Variants in SET observed in about 807,000 individuals in gnomAD.
SET encodes SET nuclear proto-oncogene, also known as protein SET.
SET carries 4 observed loss-of-function variants against 39.0 expected under a neutral mutation model. The observed-to-expected ratio is 0.10, with a 90% CI of 0.05 to 0.23. SET has a LOEUF of 0.23. Ranked by LOEUF, SET falls within the 10% of genes least tolerant of loss-of-function variation. The pLI, the probability that SET is intolerant of heterozygous loss-of-function variation, is 1.00. For missense variants in SET, 137 were observed against 329.7 expected (o/e 0.42, Z 4.53); for synonymous variants, 114 against 115.9 (o/e 0.98, Z 0.11).
rs1270399699 is a variant in SET at position 128,695,988 on chromosome 9, C to G, written c.*1324C>G. The G allele has an allele frequency of 1.3e-5, 3 of 226,480 alleles. No individual in the cohort carries two copies. The highest frequency in any genetic ancestry group is 6.2e-5 in the East Asian group (1 of 16,138). 14.0% of individuals were successfully genotyped at this position (226,480 alleles called of 1,614,324 possible). ...TAAAATGTGGCCAAGAAGATAGGCT[C>G]TCAGTAAGAAGTCTGATGGTGAGCA... On this transcript the variant is annotated 3_prime_UTR_variant, in exon 8 of 8. Coordinates refer to ENST00000322030, the MANE Select transcript of SET (RefSeq NM_003011.4).
chr9:128,691,614 A>C (rs1395724142), intron 2 of SET, among the ~76,000 whole-genome samples: 1 of 152,226 alleles, frequency 6.6e-6, no homozygotes, highest in Non-Finnish European at 1.5e-5. Flanking sequence ...GGGCGAAGTA[A>C]ATACACACGT....
chr9:128,694,734 C>CTTTTTTTTTTTTTTTT lies in SET; in HGVS notation c.*79_*94dup, dbSNP rs35778650. Reference sequence around the variant, plus strand: ...CCAGTCCCTGGGAGCAAGTTGCAGTCTTTTTTTTTTTTTTTTTTTTTTTTC... The same window carrying CTTTTTTTTTTTTTTTT: ...CCAGTCCCTGGGAGCAAGTTGCAGTCTTTTTTTTTTTTTTTTTTTTTTTTTTTTTTTTTTTTTTTTC... On this transcript the variant is annotated 3_prime_UTR_variant, in exon 8 of 8. Coordinates refer to ENST00000322030, the MANE Select transcript of SET (RefSeq NM_003011.4). 1 of 274,178 alleles carries CTTTTTTTTTTTTTTTT rather than the reference C, an allele frequency of 3.6e-6. No homozygotes were observed. The highest frequency in any genetic ancestry group is 9.1e-5 in the Admixed American group (1 of 11,026). 17.0% of individuals were successfully genotyped at this position (274,178 alleles called of 1,614,324 possible). A position where few individuals can be genotyped will look rare whatever the true frequency, so the allele number is the denominator to read the frequency against.
chr9:128,685,836 A>C (rs1237844029), upstream of SET, among the ~76,000 whole-genome samples: 7 of 152,302 alleles, frequency 4.6e-5, 1 homozygote, highest in East Asian at 7.7e-4. Context: ...GTTCAAGACC[A>C]GCCTGGCCAA....
At position 128,689,241 on chromosome 9, in the gene SET, TGGAGGAGGAGGC is replaced by T; in HGVS notation, c.-339_-328del. The T allele has an allele frequency of 2.0e-6, 2 of 997,732 alleles. No individual in the cohort carries two copies. The highest frequency in any genetic ancestry group is 2.4e-6 in the Non-Finnish European group (2 of 838,208). 61.8% of individuals were successfully genotyped at this position (997,732 alleles called of 1,614,324 possible). ...GCCCGCCCCTCGCCGTAGGAGGAGG[TGGAGGAGGAGGC>T]GGCTCGGGAGAGCGAGCAGCGAGCT... On this transcript the variant is annotated 5_prime_UTR_variant, in exon 1 of 8. Transcript: ENST00000322030.
At chr9:128,685,285 C>T (rs993331344), upstream of SET, 7 of 1,276,452 alleles carry the variant, frequency 5.5e-6, no homozygotes, top group Non-Finnish European at 6.7e-6. Context: ...GATCTCCAGG[C>T]TTGCTGTGAG....
chr9:128,689,594 G>A lies in SET; in HGVS notation c.12G>A (p.Pro4=), dbSNP rs918018791. 1 of 1,366,982 alleles carries A rather than the reference G, an allele frequency of 7.3e-7. No homozygotes were observed. The highest frequency in any genetic ancestry group is 3.2e-5 in the East Asian group (1 of 30,966). 84.7% of individuals were successfully genotyped at this position (1,366,982 alleles called of 1,614,324 possible). A position where few individuals can be genotyped will look rare whatever the true frequency, so the allele number is the denominator to read the frequency against. The change falls in exon 1 of 8, where the codon CCG becomes CCA. Residue 4 remains proline, a synonymous_variant. Coordinates refer to ENST00000322030, the MANE Select transcript of SET (RefSeq NM_003011.4). MSA[P]AAKVSKKELN... ...CGCGGAGCAGCACCATGTCGGCGCC[G>A]GCGGCCAAAGTCAGTAAAAAGGAGC... is the stretch of plus-strand genomic sequence containing the variant.
chr9:128,685,499 T>C (rs976941773), upstream of SET, among the ~76,000 whole-genome samples: 1 of 152,356 alleles, frequency 6.6e-6, no homozygotes, highest in African/African-American at 2.4e-5. Flanking sequence ...TAGTAGGCAC[T>C]GATGGCATGC....
rs1414190867 is a variant in SET, at chr9:128,693,669, A to G, written c.524A>G (p.Asn175Ser). ...DLTKRSSQTQ[N>S]KASRKRQHEE... ...ACGAAACGTTCGAGTCAAACGCAGA[A>G]TAAAGCCAGCAGGAAGAGGCAGCAT... The change falls in exon 6 of 8, where the codon AAT (asparagine) becomes AGT (serine). Residue 175 changes from asparagine (N) to serine (S), a missense_variant. Around this residue, in one of 3 missense-constraint regions of SET, gnomAD observed 59 missense variants for 237.2 expected, o/e 0.25. Coordinates refer to ENST00000322030, the MANE Select transcript of SET (RefSeq NM_003011.4). The G allele has an allele frequency of 3.7e-6, 6 of 1,613,298 alleles. No homozygotes were observed. The African/African-American group carries it at 8.0e-5, about 22-fold the overall frequency.
intron 3 of SET, chr9:128,692,429 A>G (rs1861581274): frequency 3.1e-6 from 1 of 319,866 alleles, no homozygotes; most frequent in Non-Finnish European, 5.7e-6. Flanking sequence ...AAAACCTCAA[A>G]GACGGGAAAA....
rs1861400656 is a variant in SET, at chr9:128,689,232, A to G, written c.-351A>G. 2.0e-6 allele frequency: 2 copies of G among 996,058 alleles called. No individual in the cohort carries two copies. Among genetic ancestry groups the G allele is most frequent in the Non-Finnish European group, 2.4e-6 (2 of 836,584 alleles). The allele number at this position is 996,058 out of a possible 1,614,324, so 61.7% of individuals were successfully genotyped here. ...GCGCCCTGCGCCCGCCCCTCGCCGT[A>G]GGAGGAGGTGGAGGAGGAGGCGGCT... On this transcript the variant is annotated 5_prime_UTR_variant, in exon 1 of 8. Transcript: ENST00000322030.
intron 1 of SET, among the ~76,000 whole-genome samples, chr9:128,690,889 T>C (rs930128502): frequency 1.3e-5 from 2 of 152,238 alleles, no homozygotes; most frequent in Admixed American, 1.3e-4. Flanking sequence ...GTGTCTTTCA[T>C]AGTAGAAACC....
rs1360367293 is a variant in SET at position 128,693,961 on chromosome 9, A to G, written c.729A>G (p.Glu243=). The G allele has an allele frequency of 3.2e-6, 5 of 1,548,410 alleles. No individual in the cohort carries two copies. The highest frequency in any genetic ancestry group is 4.5e-6 in the Non-Finnish European group (5 of 1,121,154). Reference sequence around the variant, plus strand: ...ATGATGATGATGATGAAGAGGAGGAAGGATTAGAAGATATTGACGAAGAAG... The same window carrying G: ...ATGATGATGATGATGAAGAGGAGGAGGGATTAGAAGATATTGACGAAGAAG... ...EEDDDDDEEE[E]GLEDIDEEGD... is the part of the protein sequence containing the mutation. The change falls in exon 7 of 8, where the codon GAA becomes GAG. Residue 243 remains glutamate, a synonymous_variant. Transcript: ENST00000322030.
rs372294597 is a variant in SET, at chr9:128,694,012, T to G, written c.780T>G (p.Asp260Glu). 3.2e-6 allele frequency: 5 copies of G among 1,538,634 alleles called. No individual in the cohort carries two copies. In the South Asian group the frequency reaches 5.8e-5, roughly 18 times the overall value. ...GGGATGAGGATGAAGGTGAAGAAGA[T>G]GAAGATGATGATGAAGGGGAGGAAG... Reference protein sequence around the residue: ...EEGDEDEGEEDEDDDEGEEGE... With the variant: ...EEGDEDEGEEEEDDDEGEEGE... Residue 260 changes from aspartate to glutamate, a missense_variant, in exon 7 of 8, where the codon GAT (aspartate) becomes GAG (glutamate). By Grantham distance (45) the Asp-to-Glu change is conservative. Around this residue, in one of 3 missense-constraint regions of SET, gnomAD observed 44 missense variants for 63.0 expected, o/e 0.70. Transcript: ENST00000322030.
chr9:128,683,813 G>A, exon 1 of SET: 1 of 1,211,712 alleles, frequency 8.3e-7, no homozygotes, highest in Non-Finnish European at 1.2e-6. Context: ...TAAGCCGCTG[G>A]CACCTGGGGC....
chr9:128,694,395 A>G (rs1463665666), intron 7 of SET, among the ~76,000 whole-genome samples: 1 of 152,202 alleles, frequency 6.6e-6, no homozygotes, highest in African/African-American at 2.4e-5. Context: ...CAATTTCTGA[A>G]TAGTCAAATT....
At chr9:128,685,760 G>A (rs1411351008), upstream of SET, among the ~76,000 whole-genome samples, 1 of 152,172 alleles carries the variant, frequency 6.6e-6, no homozygotes. Flanking sequence ...GGCCGGGCGC[G>A]GTGGCTGACG....
chr9:128,684,550 G>A (rs901526439), upstream of SET, among the ~76,000 whole-genome samples: 5 of 151,618 alleles, frequency 3.3e-5, no homozygotes, highest in Admixed American at 1.3e-4. Flanking sequence ...TTGCCTCCCC[G>A]CGTCCTCCAG....
In SET at chr9:128,689,235, A is replaced by G; in HGVS notation, c.-348A>G. ...CCCTGCGCCCGCCCCTCGCCGTAGG[A>G]GGAGGTGGAGGAGGAGGCGGCTCGG... On this transcript the variant is annotated 5_prime_UTR_variant, in exon 1 of 8. Transcript: ENST00000322030. 1 of 997,346 alleles carries G rather than the reference A, an allele frequency of 1.0e-6. No homozygotes were observed. Among genetic ancestry groups the G allele is most frequent in the South Asian group, 4.7e-5 (1 of 21,434 alleles). The allele number at this position is 997,346 out of a possible 1,614,324, so 61.8% of individuals were successfully genotyped here.
upstream of SET, chr9:128,685,161 C>A: frequency 6.3e-7 from 1 of 1,589,804 alleles, no homozygotes. Flanking sequence ...AGTCCCTTTT[C>A]CTCCACATGG....
Sources: allele counts gnomAD v4.1 joint callset (sites outside exome capture counted in the v4.1 genomes callset), GRCh38; gene constraint gnomAD v4.1.1; regional missense constraint gnomAD v4.1.1; transcripts MANE v1.5; gene names NCBI Gene and HGNC (gene_info 2026-07-23, HGNC 2026-07-21).